Variants in SORCS3 observed in about 807,000 individuals in gnomAD.
SORCS3 encodes sortilin related VPS10 domain containing receptor 3.
Under a neutral mutation model 146.3 loss-of-function variants are expected in SORCS3, and 57 were observed. The ratio of observed to expected loss-of-function variants is 0.39; its 90% confidence interval spans 0.31 to 0.49. SORCS3 has a LOEUF of 0.49. Ranked by LOEUF, SORCS3 falls within the 20% of genes least tolerant of loss-of-function variation. The pLI is 0.92. For missense variants in SORCS3, 1,341 were observed against 1,575.5 expected (o/e 0.85, Z 2.52); for synonymous variants, 653 against 618.5 (o/e 1.06, Z -0.83).
chr10:105,122,700 A>G (rs1344930514), intron 7 of SORCS3, among the ~76,000 whole-genome samples: 2 of 152,258 alleles, frequency 1.3e-5, no homozygotes, highest in Admixed American at 6.5e-5. Context: ...ACAATGCTCA[A>G]AAGCATTTAA....
chr10:104,963,948 C>T (rs753271273), intron 3 of SORCS3, among the ~76,000 whole-genome samples: 3 of 152,126 alleles, frequency 2.0e-5, no homozygotes, highest in Non-Finnish European at 4.4e-5. Flanking sequence ...TGTAAGCAGA[C>T]CTTTTTAACT....
intron 5 of SORCS3, among the ~76,000 whole-genome samples, chr10:105,052,038 T>G (rs2055416944): frequency 6.6e-6 from 1 of 152,086 alleles, no homozygotes; most frequent in African/African-American, 2.4e-5. Flanking sequence ...ACGTGGTAGT[T>G]AGCCATGGCA....
At chr10:105,107,785 A>G (rs2055833206) in intron 7 of SORCS3, among the ~76,000 whole-genome samples, 1 of 152,192 alleles carries the variant, frequency 6.6e-6, no homozygotes, top group African/African-American at 2.4e-5. Flanking sequence ...ACATCCATAT[A>G]TACATAGATG....
intron 7 of SORCS3, among the ~76,000 whole-genome samples, chr10:105,110,944 T>C (rs1428003164): frequency 6.6e-6 from 1 of 152,158 alleles, no homozygotes; most frequent in African/African-American, 2.4e-5. Flanking sequence ...TATTTCTACA[T>C]TCAGTGGCAG....
rs111291913 is a variant in SORCS3 at position 104,715,151 on chromosome 10, A to AT, written c.627+73199dup. Among the ~76,000 whole-genome samples, 15 of 152,216 alleles carry AT rather than the reference A, an allele frequency of 9.9e-5. 2 individuals carry two copies. Among genetic ancestry groups the AT allele is most frequent in the African/African-American group, 3.4e-4 (14 of 41,540 alleles). On this transcript the variant is annotated intron_variant, in intron 1 of 26. Transcript: ENST00000369701. ...GGGATGCCCAGATAGCTGGGAAAAC[A>AT]TTATTTCTGGGTGTGTCTGTGAGGG...
chr10:104,947,665 G>A (rs570144357), intron 3 of SORCS3, among the ~76,000 whole-genome samples: 4 of 152,146 alleles, frequency 2.6e-5, no homozygotes, highest in South Asian at 2.1e-4. Flanking sequence ...CTGTGTCACC[G>A]AGGCTGGAGT....
chr10:104,647,521 T>C (rs2015509009), intron 1 of SORCS3, among the ~76,000 whole-genome samples: 1 of 152,180 alleles, frequency 6.6e-6, no homozygotes, highest in Non-Finnish European at 1.5e-5. Flanking sequence ...GATTTGAGGG[T>C]AAGAGCTGAA....
chr10:104,675,838 G>T (rs1397016191), intron 1 of SORCS3, among the ~76,000 whole-genome samples: 1 of 152,082 alleles, frequency 6.6e-6, no homozygotes, highest in Non-Finnish European at 1.5e-5. Flanking sequence ...TGTCTTGGCT[G>T]TTTTGGACTG....
At chr10:104,655,606 T>G (rs1455202277) in intron 1 of SORCS3, among the ~76,000 whole-genome samples, 2 of 152,222 alleles carry the variant, frequency 1.3e-5, no homozygotes, top group Non-Finnish European at 2.9e-5. Flanking sequence ...CCAAATCTCA[T>G]GTTAAATTGT....
Position 105,245,681 on chromosome 10 carries a change from T to C in SORCS3, c.2992+16T>C. ...GCAGTTCATGGTAAGCCCTGAAAAT[T>C]GTTCTGTGATGCTCCTTCCCGCTCA... On this transcript the variant is annotated intron_variant, in intron 21 of 26. Coordinates refer to ENST00000369701, the MANE Select transcript of SORCS3 (RefSeq NM_014978.3). 1.2e-6 allele frequency: 2 copies of C among 1,613,382 alleles called. No homozygotes were observed. The highest frequency in any genetic ancestry group is 2.2e-5 in the East Asian group (1 of 44,840).
chr10:105,174,116 G>T (rs1422766236), intron 13 of SORCS3, among the ~76,000 whole-genome samples: 1 of 152,118 alleles, frequency 6.6e-6, no homozygotes, highest in Admixed American at 6.5e-5. Flanking sequence ...TAGAACTGAG[G>T]TCACTGCCAG....
At chr10:104,842,890 C>T (rs2018158924) in intron 2 of SORCS3, 31 bp downstream of exon 2, 1 of 1,579,950 alleles carries the variant, frequency 6.3e-7, no homozygotes, top group Non-Finnish European at 8.7e-7. Flanking sequence ...TAAGGAGCCA[C>T]CCTGGCTTGG....
chr10:104,822,285 C>T (rs1589512525), intron 1 of SORCS3, among the ~76,000 whole-genome samples: 1 of 152,278 alleles, frequency 6.6e-6, no homozygotes, highest in South Asian at 2.1e-4. Flanking sequence ...TCCCTTTACC[C>T]TTTTCCTTGG....
chr10:105,261,622 C>T (rs776473536), intron 25 of SORCS3, among the ~76,000 whole-genome samples: 1 of 152,188 alleles, frequency 6.6e-6, no homozygotes, highest in African/African-American at 2.4e-5. Context: ...GAAGATGGGT[C>T]AGAAGATGAA....
At chr10:105,168,746 C>T (rs1012769766) in intron 13 of SORCS3, among the ~76,000 whole-genome samples, 1 of 152,066 alleles carries the variant, frequency 6.6e-6, no homozygotes, top group Non-Finnish European at 1.5e-5. Flanking sequence ...CGTATGAAAT[C>T]GCCATTTTTA....
intron 1 of SORCS3, among the ~76,000 whole-genome samples, chr10:104,725,277 G>T (rs550687082): frequency 6.6e-6 from 1 of 152,174 alleles, no homozygotes; most frequent in Non-Finnish European, 1.5e-5. Flanking sequence ...AGCAGCGGAG[G>T]CTGCAGAACA....
At chr10:105,167,135 G>A (rs1564773074) in intron 12 of SORCS3, 123 bp from the exon 13 acceptor site, 7 of 694,250 alleles carry the variant, frequency 1.0e-5, no homozygotes, top group South Asian at 2.0e-5. Context: ...AAAACTATCT[G>A]ATAGTGCTGT....
intron 1 of SORCS3, among the ~76,000 whole-genome samples, chr10:104,814,547 C>A (rs1334925514): frequency 6.6e-6 from 1 of 152,178 alleles, no homozygotes; most frequent in African/African-American, 2.4e-5. Context: ...TATTCATCCT[C>A]TAGAACTCAA....
intron 3 of SORCS3, among the ~76,000 whole-genome samples, chr10:104,925,619 T>C (rs1280366115): frequency 6.6e-6 from 1 of 152,248 alleles, no homozygotes; most frequent in Non-Finnish European, 1.5e-5. Flanking sequence ...GGGTTTCTTT[T>C]TCCTCTTTTG....
Sources: gnomAD v4.1 joint callset for allele counts (sites outside exome capture counted in the v4.1 genomes callset) on GRCh38, gnomAD v4.1.1 for gene constraint, MANE v1.5 for transcripts, NCBI Gene and HGNC (gene_info 2026-07-23, HGNC 2026-07-21) for gene names.